RIMBP2: variants seen among roughly 807,000 people sequenced by gnomAD.
The protein encoded by RIMBP2 is RIMS-binding protein 2.
Under a neutral mutation model 118.6 loss-of-function variants are expected in RIMBP2, and 48 were observed. The observed-to-expected ratio is 0.40, with a 90% confidence interval of 0.32 to 0.51. The LOEUF (loss-of-function observed/expected upper bound fraction) is 0.51. Among genes scored for constraint, RIMBP2 ranks in the 20% least tolerant of loss-of-function variants. The probability of loss-of-function intolerance (pLI) is 0.41; values close to 1 mark genes in which losing one functional copy is unlikely to be tolerated. For synonymous variants in RIMBP2, 762 were observed against 742.9 expected, an observed-to-expected ratio of 1.03 and a Z score of -0.42; for missense variants, 1,551 against 1,768.3, an observed-to-expected ratio of 0.88 and a Z score of 2.20.
At chr12:130,562,507 T>C (rs2056896414) in intron 2 of RIMBP2, among the ~76,000 whole-genome samples, 1 of 152,216 alleles carries the variant, frequency 6.6e-6, no homozygotes, top group Non-Finnish European at 1.5e-5. Flanking sequence ...CACCTTTGCT[T>C]GACAGCAACC....
At chr12:130,662,801 G>T (rs1040606329) in intron 1 of RIMBP2, among the ~76,000 whole-genome samples, 1 of 151,946 alleles carries the variant, frequency 6.6e-6, no homozygotes, top group African/African-American at 2.4e-5. Context: ...ACCCCACAAA[G>T]AAAAAATAGC....
chr12:130,462,718 G>A (rs2137665940), intron 6 of RIMBP2, among the ~76,000 whole-genome samples: 1 of 152,318 alleles, frequency 6.6e-6, no homozygotes, highest in Non-Finnish European at 1.5e-5. Flanking sequence ...GCATCATGGG[G>A]CCAAAGCGCA....
chr12:130,655,878 G>T (rs1353660696), intron 1 of RIMBP2, among the ~76,000 whole-genome samples: 1 of 152,246 alleles, frequency 6.6e-6, no homozygotes, highest in Non-Finnish European at 1.5e-5. Context: ...AATGTGGGCG[G>T]AGGCACCACG....
At chr12:130,632,386 T>G (rs1244359182) in intron 1 of RIMBP2, among the ~76,000 whole-genome samples, 2 of 144,598 alleles carry the variant, frequency 1.4e-5, no homozygotes, top group African/African-American at 2.6e-5. Context: ...CTGCAAGTGA[T>G]GTACATTTTT....
intron 4 of RIMBP2, among the ~76,000 whole-genome samples, chr12:130,495,048 C>T (rs1566142702): frequency 1.9e-5 from 1 of 53,882 alleles, no homozygotes; most frequent in Non-Finnish European, 3.2e-5. Context: ...CTCTGTGCCT[C>T]TTCTTCTTAT....
chr12:130,428,058 C>T (rs77060596), intron 15 of RIMBP2, 121 bp downstream of exon 15: 3 of 884,094 alleles, frequency 3.4e-6, no homozygotes, highest in Admixed American at 3.1e-5. Context: ...AATCCAAATC[C>T]GAGGGCTACT....
At position 130,422,415 on chromosome 12, in the gene RIMBP2, C is replaced by T. The variant is rs753258484; in HGVS notation, c.3238+38G>A. 2.1e-5 allele frequency: 30 copies of T among 1,432,924 alleles called. No individual in the cohort carries two copies. The highest frequency in any genetic ancestry group is 2.0e-4 in the Middle Eastern group (1 of 5,070). The allele number at this position is 1,432,924 out of a possible 1,614,324, so 88.8% of individuals were successfully genotyped here. ...ATGGAGTAAGCAGCCACATGCTCCG[C>T]GGCTGAAAGACACAACAGCGATGAT... On this transcript the variant is annotated intron_variant, in intron 17 of 22. Transcript: ENST00000690449. This position sits in a 1 kb window ranked among gnomAD's most constrained non-coding sequence, Gnocchi z 5.2.
intron 2 of RIMBP2, among the ~76,000 whole-genome samples, chr12:130,624,585 A>G (rs1292929972): frequency 1.3e-5 from 2 of 152,206 alleles, no homozygotes; most frequent in Non-Finnish European, 2.9e-5. Flanking sequence ...AATATTTATC[A>G]GGTGATTTTA....
intron 4 of RIMBP2, among the ~76,000 whole-genome samples, chr12:130,480,363 G>A (rs1324577652): frequency 6.6e-6 from 1 of 152,104 alleles, no homozygotes; most frequent in Non-Finnish European, 1.5e-5. Context: ...AGTGGGAGCT[G>A]CCCCTTCCGA....
chr12:130,640,905 G>A (rs769734895), intron 1 of RIMBP2, among the ~76,000 whole-genome samples: 1 of 152,204 alleles, frequency 6.6e-6, no homozygotes, highest in Non-Finnish European at 1.5e-5. Flanking sequence ...GCCTAAGTGG[G>A]CCTTTGGAAA....
At chr12:130,483,858 C>T (rs2082257046) in intron 4 of RIMBP2, among the ~76,000 whole-genome samples, 1 of 150,272 alleles carries the variant, frequency 6.7e-6, no homozygotes, top group South Asian at 2.1e-4. Context: ...GTGCCCGGAG[C>T]CCCCACCCTC....
rs763609206 is a variant in RIMBP2 at position 130,406,258 on chromosome 12, C to T, written c.3694-15G>A. On this transcript the variant is annotated splice_polypyrimidine_tract_variant and intron_variant, in intron 20 of 22. Coordinates refer to ENST00000690449, the MANE Select transcript of RIMBP2 (RefSeq NM_001393629.1). ...GTAAGTTCGGCCTGTGGAGATGAAA[C>T]ATAAAATTAATCGTATTTTTCTACA... is the stretch of plus-strand genomic sequence containing the variant. The T allele has an allele frequency of 3.2e-6, 5 of 1,564,714 alleles. No individual in the cohort carries two copies. Among genetic ancestry groups the T allele is most frequent in the Non-Finnish European group, 4.4e-6 (5 of 1,141,720 alleles).
At chr12:130,625,254 G>C (rs1375949076) in intron 2 of RIMBP2, among the ~76,000 whole-genome samples, 1 of 152,206 alleles carries the variant, frequency 6.6e-6, no homozygotes, top group South Asian at 2.1e-4. Context: ...GAAAGTTGTT[G>C]ATAACTTTTC....
chr12:130,675,608 G>A (rs1295913933), intron 1 of RIMBP2, among the ~76,000 whole-genome samples: 1 of 151,850 alleles, frequency 6.6e-6, no homozygotes, highest in Non-Finnish European at 1.5e-5. Context: ...GGTGTCTAAA[G>A]AGAATCCTAG....
At chr12:130,474,147 A>T (rs2081241234) in intron 5 of RIMBP2, among the ~76,000 whole-genome samples, 1 of 152,154 alleles carries the variant, frequency 6.6e-6, no homozygotes, top group Non-Finnish European at 1.5e-5. Context: ...CTGGAGAGGA[A>T]GCCTCAGGGT....
At chr12:130,624,065 G>C (rs777626418) in intron 2 of RIMBP2, among the ~76,000 whole-genome samples, 38 of 152,214 alleles carry the variant, frequency 2.5e-4, no homozygotes, top group Non-Finnish European at 4.1e-4. Flanking sequence ...AGCCCAGGCT[G>C]AGACACTCAG....
Position 130,667,091 on chromosome 12 carries a change from GGAGGA to G in RIMBP2, c.-351-38640_-351-38636del, listed in dbSNP as rs2063972257. Among the ~76,000 whole-genome samples the G allele has an allele frequency of 4.8e-5, 3 of 62,118 alleles. 1 individual carries two copies. Among genetic ancestry groups the G allele is most frequent in the Non-Finnish European group, 1.1e-4 (3 of 27,000 alleles). The allele number at this position is 62,118 out of a possible 152,430, so 40.8% of individuals were successfully genotyped here. On this transcript the variant is annotated intron_variant, in intron 1 of 22. Coordinates refer to ENST00000690449, the MANE Select transcript of RIMBP2 (RefSeq NM_001393629.1). ...AGGGAGGGAGGAAAAAATGAGGGAG[GGAGGA>G]TGGGAGAAAAAAAGGAATGAGGGAG...
chr12:130,538,451 A>C (rs1163918740), intron 2 of RIMBP2, among the ~76,000 whole-genome samples: 1 of 152,006 alleles, frequency 6.6e-6, no homozygotes, highest in Non-Finnish European at 1.5e-5. Flanking sequence ...TGATTTAAGA[A>C]AGATCACACA....
intron 6 of RIMBP2, among the ~76,000 whole-genome samples, chr12:130,461,339 A>AGCAGGG (rs367689776): frequency 2.0e-5 from 3 of 152,176 alleles, no homozygotes; most frequent in Non-Finnish European, 4.4e-5. Context: ...CAGGGGTGCC[A>AGCAGGG]GCAGGGGCAG....
Sources: gnomAD v4.1 joint callset for allele counts (sites outside exome capture counted in the v4.1 genomes callset) on GRCh38, gnomAD v4.1.1 for gene constraint, Gnocchi (gnomAD v3.1) non-coding constraint, MANE v1.5 for transcripts, NCBI Gene and HGNC (gene_info 2026-07-23, HGNC 2026-07-21) for gene names.